SDK1: variants seen among roughly 807,000 people sequenced by gnomAD.
SDK1 encodes the protein sidekick cell adhesion molecule 1.
Under a neutral mutation model 245.5 loss-of-function variants are expected in SDK1, and 157 were observed. The ratio of observed to expected loss-of-function variants is 0.64; its 90% CI spans 0.56 to 0.73. SDK1 has a LOEUF of 0.73. SDK1 is among the 30% of genes least tolerant of loss of function. The pLI, the probability that SDK1 is intolerant of heterozygous loss-of-function variation, is 0.00. For missense variants in SDK1, 3,583 were observed against 3,002.3 expected (o/e 1.19, Z -4.52); for synonymous variants, 1,647 against 1,278.5 (o/e 1.29, Z -6.15).
intron 5 of SDK1, among the ~76,000 whole-genome samples, chr7:3,838,224 A>C (rs758061972): frequency 2.0e-4 from 31 of 152,350 alleles, no homozygotes; most frequent in Non-Finnish European, 4.1e-4. Flanking sequence ...GGATTAATTC[A>C]TCAGTTATGC....
At chr7:3,473,989 T>C (rs1052545960) in intron 1 of SDK1, among the ~76,000 whole-genome samples, 1 of 152,134 alleles carries the variant, frequency 6.6e-6, no homozygotes, top group African/African-American at 2.4e-5. Flanking sequence ...CTCGATATTT[T>C]TGGACATCCA....
At chr7:3,765,232 A>G (rs994457546) in intron 4 of SDK1, among the ~76,000 whole-genome samples, 6 of 152,210 alleles carry the variant, frequency 3.9e-5, no homozygotes, top group Admixed American at 1.3e-4. Context: ...TCTGAGATGC[A>G]TCCATATATT....
chr7:4,214,806 T>C lies in SDK1; in HGVS notation c.5539+4644T>C, dbSNP rs149395733. 3.7e-3 allele frequency among the ~76,000 whole-genome samples: 556 copies of C among 152,274 alleles called. 4 individuals carry two copies. Among genetic ancestry groups the C allele is most frequent in the African/African-American group, 0.013 (534 of 41,552 alleles). ...GGCCTTATAGAGCTTCCTCTAGACA[T>C]GACACCTGGCTCTGACTAAGCCATG... On this transcript the variant is annotated intron_variant, in intron 38 of 44. Coordinates refer to ENST00000404826, the MANE Select transcript of SDK1 (RefSeq NM_152744.4).
At chr7:3,794,431 A>C (rs1343483614) in intron 4 of SDK1, among the ~76,000 whole-genome samples, 1 of 152,190 alleles carries the variant, frequency 6.6e-6, no homozygotes, top group Non-Finnish European at 1.5e-5. Flanking sequence ...TCTGAATCTG[A>C]TGTGGAAACC....
At chr7:3,406,950 A>C (rs927541656) in intron 1 of SDK1, among the ~76,000 whole-genome samples, 1 of 148,764 alleles carries the variant, frequency 6.7e-6, no homozygotes, top group African/African-American at 2.6e-5. Context: ...TTTTAGTTTT[A>C]AACTCTTTGT....
At chr7:3,700,860 T>G (rs930935821) in intron 4 of SDK1, among the ~76,000 whole-genome samples, 2 of 152,220 alleles carry the variant, frequency 1.3e-5, no homozygotes, top group African/African-American at 4.8e-5. Context: ...ATTTCTATTT[T>G]TTTGGTGTGC....
intron 19 of SDK1, among the ~76,000 whole-genome samples, chr7:4,063,374 T>C (rs1401736933): frequency 6.6e-6 from 1 of 151,928 alleles, no homozygotes; most frequent in Non-Finnish European, 1.5e-5. Flanking sequence ...AAAACATATC[T>C]AGGAATTAAT....
chr7:3,737,976 A>T (rs1378323018), intron 4 of SDK1, among the ~76,000 whole-genome samples: 2 of 152,150 alleles, frequency 1.3e-5, no homozygotes, highest in Non-Finnish European at 2.9e-5. Flanking sequence ...TCATCCCCTT[A>T]TTCTGGGATT....
At chr7:4,147,237 G>A (rs148157369) in intron 29 of SDK1, among the ~76,000 whole-genome samples, 1 of 152,154 alleles carries the variant, frequency 6.6e-6, no homozygotes, top group Non-Finnish European at 1.5e-5. Context: ...CTGGAGTGCA[G>A]TTATGTGATC....
chr7:3,918,446 C>T (rs11767063), intron 5 of SDK1, among the ~76,000 whole-genome samples: 6,623 of 152,296 alleles, frequency 0.043, 176 homozygotes, highest in Non-Finnish European at 0.068. Flanking sequence ...AGGTTACACA[C>T]GCCTTATGAG....
intron 5 of SDK1, among the ~76,000 whole-genome samples, chr7:3,828,041 G>A (rs570684324): frequency 6.6e-6 from 1 of 152,288 alleles, no homozygotes; most frequent in South Asian, 2.1e-4. Context: ...ACTTTGGGAG[G>A]CCAAGGTGGG....
intron 4 of SDK1, among the ~76,000 whole-genome samples, chr7:3,642,350 C>T (rs1305282747): frequency 6.6e-6 from 1 of 152,182 alleles, no homozygotes; most frequent in Non-Finnish European, 1.5e-5. Context: ...ACTAAAGCAG[C>T]CTTACCCAAC....
intron 4 of SDK1, among the ~76,000 whole-genome samples, chr7:3,676,194 T>C (rs902298713): frequency 1.3e-5 from 2 of 152,048 alleles, no homozygotes; most frequent in African/African-American, 2.4e-5. Context: ...AATTTTGTAT[T>C]TTTTTGTGGA....
intron 13 of SDK1, chr7:3,974,880 C>T: frequency 4.9e-6 from 1 of 203,468 alleles, no homozygotes; most frequent in Non-Finnish European, 1.0e-5. Flanking sequence ...CATTTTTCCA[C>T]ATAATACCCT....
intron 14 of SDK1, among the ~76,000 whole-genome samples, chr7:3,992,024 T>C (rs1784366722): frequency 1.3e-5 from 2 of 152,214 alleles, no homozygotes; most frequent in Non-Finnish European, 2.9e-5. Context: ...CAGCACTAAA[T>C]AGCGCCATCT....
chr7:3,710,220 A>C (rs1322315230), intron 4 of SDK1, among the ~76,000 whole-genome samples: 1 of 152,206 alleles, frequency 6.6e-6, no homozygotes, highest in Non-Finnish European at 1.5e-5. Context: ...CTGCTGTCCC[A>C]CATGTGTACA....
At chr7:3,828,016 G>A (rs1192223817) in intron 5 of SDK1, among the ~76,000 whole-genome samples, 2 of 152,116 alleles carry the variant, frequency 1.3e-5, no homozygotes, top group South Asian at 2.1e-4. Context: ...ATTGCCTCAC[G>A]CCTGTAATCC....
At chr7:3,650,279 T>A (rs1376948797) in intron 4 of SDK1, among the ~76,000 whole-genome samples, 1 of 152,192 alleles carries the variant, frequency 6.6e-6, no homozygotes, top group Non-Finnish European at 1.5e-5. Context: ...CACAGTGTTG[T>A]GCAATCATCA....
chr7:3,853,852 G>C (rs984489262), intron 5 of SDK1, among the ~76,000 whole-genome samples: 1 of 152,080 alleles, frequency 6.6e-6, no homozygotes, highest in Non-Finnish European at 1.5e-5. Flanking sequence ...AGCTAGGCTT[G>C]GTGGCGCACC....
Sources: gnomAD v4.1 joint callset for allele counts (sites outside exome capture counted in the v4.1 genomes callset) on GRCh38, gnomAD v4.1.1 for gene constraint, MANE v1.5 for transcripts, NCBI Gene and HGNC (gene_info 2026-07-23, HGNC 2026-07-21) for gene names.